The following NMT1 variants were observed in gnomAD, a reference collection of about 807,000 sequenced individuals.
The protein encoded by NMT1 is N-myristoyltransferase 1, also known as glycylpeptide N-tetradecanoyltransferase 1.
NMT1 carries 12 observed loss-of-function variants against 63.4 expected under a neutral mutation model. The observed-to-expected ratio is 0.19, with a 90% CI of 0.12 to 0.31. NMT1 has a LOEUF of 0.31. Among genes scored for constraint, NMT1 ranks in the 10% least tolerant of loss-of-function variants. The probability of loss-of-function intolerance (pLI) is 1.00; values close to 1 mark genes in which losing one functional copy is unlikely to be tolerated. For synonymous variants in NMT1, 228 were observed against 234.3 expected (o/e 0.97, Z 0.25); for missense variants, 432 against 634.6 (o/e 0.68, Z 3.43).
chr17:45,074,600 T>A (rs1397528824), intron 1 of NMT1, among the ~76,000 whole-genome samples: 1 of 152,210 alleles, frequency 6.6e-6, no homozygotes, highest in African/African-American at 2.4e-5. Flanking sequence ...AGGTTGGTCA[T>A]TGATGACTTC....
At chr17:45,099,195 A>G (rs2054145236) in intron 7 of NMT1, among the ~76,000 whole-genome samples, 1 of 152,178 alleles carries the variant, frequency 6.6e-6, no homozygotes, top group Non-Finnish European at 1.5e-5. Context: ...AAATTGAGCA[A>G]GAAAAATAGG....
At chr17:45,073,355 T>C (rs927465663) in intron 1 of NMT1, among the ~76,000 whole-genome samples, 2 of 151,614 alleles carry the variant, frequency 1.3e-5, no homozygotes, top group South Asian at 4.2e-4. Context: ...GAGGCGGAGG[T>C]TGCAGTGAGC....
At chr17:45,087,136 A>G (rs1351746213) in intron 3 of NMT1, among the ~76,000 whole-genome samples, 2 of 151,858 alleles carry the variant, frequency 1.3e-5, no homozygotes, top group African/African-American at 2.4e-5. Context: ...ACTCCAGCCT[A>G]TGTGACAGGA....
chr17:45,106,219 G>A lies in NMT1; in HGVS notation c.*580G>A, dbSNP rs1031296585. On this transcript the variant is annotated 3_prime_UTR_variant, in exon 12 of 12. Transcript: ENST00000258960. ...CAGCTGGGATGACTGGCTTTGAGAAGGAAGGGAAGATGGAACAGGCTCAGA... is the reference window on the plus strand; with the variant it reads ...CAGCTGGGATGACTGGCTTTGAGAAAGAAGGGAAGATGGAACAGGCTCAGA... 6.6e-6 allele frequency: 1 copy of A among 152,616 alleles called. No homozygotes were observed. Among genetic ancestry groups the A allele is most frequent in the Non-Finnish European group, 1.5e-5 (1 of 68,044 alleles). 9.5% of individuals were successfully genotyped at this position (152,616 alleles called of 1,614,324 possible). A position where few individuals can be genotyped will look rare whatever the true frequency, so the allele number is the denominator to read the frequency against.
Position 45,107,328 on chromosome 17 carries a change from C to T in NMT1, c.*1689C>T, listed in dbSNP as rs564244625. On this transcript the variant is annotated 3_prime_UTR_variant, in exon 12 of 12. Coordinates refer to ENST00000258960, the MANE Select transcript of NMT1 (RefSeq NM_021079.5). ...CCCGCTCTGCAGACTGCTGCTAGAG[C>T]CAGCAACTCCACTAAGGTGGATTTT... The T allele has an allele frequency of 6.5e-6, 1 of 152,738 alleles. No individual in the cohort carries two copies. Among genetic ancestry groups the T allele is most frequent in the East Asian group, 1.9e-4 (1 of 5,176 alleles). The allele number at this position is 152,738 out of a possible 1,614,324, so 9.5% of individuals were successfully genotyped here. A position where few individuals can be genotyped will look rare whatever the true frequency, so the allele number is the denominator to read the frequency against.
chr17:45,074,498 C>T (rs1295328092), intron 1 of NMT1, among the ~76,000 whole-genome samples: 7 of 152,158 alleles, frequency 4.6e-5, no homozygotes, highest in African/African-American at 1.2e-4. Context: ...GTATTACAGG[C>T]GTGAGCCATC....
rs2054219115 is a variant in NMT1 at position 45,108,559 on chromosome 17, G to A, written c.*2920G>A. ...ACGACCAGCATTTAACCAACCTAAG[G>A]GCCCAAAGGCCTTGGACAACTGCAT... On this transcript the variant is annotated 3_prime_UTR_variant, in exon 12 of 12. Transcript: ENST00000258960. The A allele has an allele frequency of 6.6e-6, 1 of 152,606 alleles. No individual in the cohort carries two copies. The highest frequency in any genetic ancestry group is 2.4e-5 in the African/African-American group (1 of 41,410). The allele number at this position is 152,606 out of a possible 1,614,324, so 9.5% of individuals were successfully genotyped here.
chr17:45,105,003 G>A lies in NMT1; in HGVS notation c.1470+7G>A, dbSNP rs201350617. On this transcript the variant is annotated splice_region_variant and intron_variant, in intron 11 of 11. Coordinates refer to ENST00000258960, the MANE Select transcript of NMT1 (RefSeq NM_021079.5). This position sits in a 1 kb window ranked among gnomAD's most constrained non-coding sequence, Gnocchi z 4.2. The stretch of plus-strand genomic sequence containing the variant: ...CAGCATGGGGGCAGAGAAGGTAGGC[G>A]ACACATAGCCAGAGTCCAGGCTGCC... 113 of 1,614,102 alleles carry A rather than the reference G, an allele frequency of 7.0e-5. 1 individual carries two copies. The highest frequency in any genetic ancestry group is 3.8e-4 in the South Asian group (35 of 91,070).
In NMT1 at chr17:45,091,931, G is replaced by A. The variant is rs186079030; in HGVS notation, c.386-1754G>A. ...AACCACTCGAGAGGCTGAGATGGGA[G>A]GATCGTTTGGGCCTAGGAGGTCGAG... On this transcript the variant is annotated intron_variant, in intron 3 of 11. Transcript: ENST00000258960. 7.4e-3 allele frequency among the ~76,000 whole-genome samples: 1,133 copies of A among 152,292 alleles called. 5 individuals are homozygous for A. The highest frequency in any genetic ancestry group is 0.011 in the Non-Finnish European group (770 of 68,024).
At chr17:45,095,765 C>CT (rs2054121265) in intron 4 of NMT1, among the ~76,000 whole-genome samples, 1 of 151,958 alleles carries the variant, frequency 6.6e-6, no homozygotes. Flanking sequence ...GAGTGAGACT[C>CT]TATCTTGAAA....
chr17:45,099,995 A>G (rs1046351952), intron 8 of NMT1, among the ~76,000 whole-genome samples: 5 of 152,138 alleles, frequency 3.3e-5, no homozygotes, highest in African/African-American at 7.2e-5. Context: ...GGACTGGGCA[A>G]CCTTAAAGTG....
rs1029944693 is a variant in NMT1, at chr17:45,104,233, T to C, written c.1332+357T>C. On this transcript the variant is annotated intron_variant, in intron 10 of 11. Transcript: ENST00000258960. This position sits in a 1 kb window ranked among gnomAD's most constrained non-coding sequence, Gnocchi z 4.2. ...GATTGCTGTCTGTCGTGGTGAGTCATTGGAGCATCCAACTGCCAGTAGCGG... is the reference window on the plus strand; with the variant it reads ...GATTGCTGTCTGTCGTGGTGAGTCACTGGAGCATCCAACTGCCAGTAGCGG... 28 of 1,212,674 alleles carry C rather than the reference T, an allele frequency of 2.3e-5. No individual in the cohort carries two copies. Among genetic ancestry groups the C allele is most frequent in the East Asian group, 5.3e-5 (1 of 18,808 alleles). The allele number at this position is 1,212,674 out of a possible 1,614,324, so 75.1% of individuals were successfully genotyped here. A position where few individuals can be genotyped will look rare whatever the true frequency, so the allele number is the denominator to read the frequency against.
At chr17:45,078,311 A>C (rs938613832) in intron 1 of NMT1, among the ~76,000 whole-genome samples, 3 of 152,216 alleles carry the variant, frequency 2.0e-5, no homozygotes, top group African/African-American at 7.2e-5. Flanking sequence ...CAGGTGATGC[A>C]GAAAGATTGT....
chr17:45,104,349 C>T lies in NMT1; in HGVS notation c.1332+473C>T. 8.7e-7 allele frequency: 1 copy of T among 1,150,122 alleles called. No homozygotes were observed. The highest frequency in any genetic ancestry group is 1.1e-6 in the Non-Finnish European group (1 of 926,324). The allele number at this position is 1,150,122 out of a possible 1,614,324, so 71.2% of individuals were successfully genotyped here. A position where few individuals can be genotyped will look rare whatever the true frequency, so the allele number is the denominator to read the frequency against. On this transcript the variant is annotated intron_variant, in intron 10 of 11. Coordinates refer to ENST00000258960, the MANE Select transcript of NMT1 (RefSeq NM_021079.5). The surrounding 1 kb of genome is among the most constrained non-coding windows in gnomAD (Gnocchi z 4.2). ...CTGCTGTAGGCAATCTGGTCCCTGC[C>T]CTGTGAGAGCTTCTGCTCCAGTTGG...
Position 45,107,259 on chromosome 17 carries a change from A to G in NMT1, c.*1620A>G, listed in dbSNP as rs143759450. 1,546 of 152,442 alleles carry G rather than the reference A, an allele frequency of 0.01. 17 individuals carry two copies. Among genetic ancestry groups the G allele is most frequent in the Non-Finnish European group, 0.014 (969 of 68,042 alleles). 9.4% of individuals were successfully genotyped at this position (152,442 alleles called of 1,614,324 possible). ...TGCAGAGTTTCCAAAACCAGAAGAC[A>G]TCGTATGCTTGGGATGGGGGCCGTG... On this transcript the variant is annotated 3_prime_UTR_variant, in exon 12 of 12. Transcript: ENST00000258960.
Position 45,089,819 on chromosome 17 carries a change from G to T in NMT1, c.385+3167G>T, listed in dbSNP as rs560899811. Among the ~76,000 whole-genome samples, 4 of 151,770 alleles carry T rather than the reference G, an allele frequency of 2.6e-5. No individual in the cohort carries two copies. The South Asian group carries it at 8.3e-4, about 32-fold the overall frequency. On this transcript the variant is annotated intron_variant, in intron 3 of 11. Transcript: ENST00000258960. ...TGCCTGGCTAATTTTTAAATTTTTT[G>T]TGGAGACATGGTTTCACTATGTTGA...
chr17:45,080,114 G>A (rs2054005750), intron 1 of NMT1, among the ~76,000 whole-genome samples: 1 of 151,870 alleles, frequency 6.6e-6, no homozygotes, highest in African/African-American at 2.4e-5. Flanking sequence ...TGAGCTTGCC[G>A]ACAGTTGTCC....
chr17:45,064,603 G>A (rs984444177), intron 1 of NMT1, among the ~76,000 whole-genome samples: 2 of 152,142 alleles, frequency 1.3e-5, no homozygotes, highest in South Asian at 4.1e-4. Flanking sequence ...TGGGCAGATC[G>A]CTTGTGGTCA....
rs774095582 is a variant in NMT1 at position 45,097,180 on chromosome 17, G to C, written c.649G>C (p.Val217Leu). Residue 217 changes from valine to leucine, a missense_variant, in exon 6 of 12, where the codon GTC becomes CTC. By Grantham distance (32) the Val-to-Leu change is conservative. Around this residue, in one of 4 missense-constraint regions of NMT1, gnomAD observed 295 missense variants for 489.7 expected, o/e 0.60. Coordinates refer to ENST00000258960, the MANE Select transcript of NMT1 (RefSeq NM_021079.5). ...CCAGTGGCACTGTGGGGTTCGAGTG[G>C]TCTCAAGTCGGAAATTGGTTGGGTT... The part of the protein sequence containing the change: ...LPQWHCGVRV[V>L]SSRKLVGFIS... 6.2e-7 allele frequency: 1 copy of C among 1,614,220 alleles called. No individual in the cohort carries two copies. Among genetic ancestry groups the C allele is most frequent in the Non-Finnish European group, 8.5e-7 (1 of 1,180,044 alleles).
Sources: gnomAD v4.1 joint callset for allele counts (sites outside exome capture counted in the v4.1 genomes callset) on GRCh38, gnomAD v4.1.1 for gene constraint, gnomAD v4.1.1 regional missense constraint, Gnocchi (gnomAD v3.1) non-coding constraint, MANE v1.5 for transcripts, NCBI Gene and HGNC (gene_info 2026-07-23, HGNC 2026-07-21) for gene names.